FBXL13: variants seen among roughly 807,000 people sequenced by gnomAD.
FBXL13 encodes F-box and leucine rich repeat protein 13.
Under a neutral mutation model 83.6 loss-of-function variants are expected in FBXL13, and 67 were observed. That is an observed-to-expected ratio of 0.80 (90% confidence interval 0.66 to 0.98). The LOEUF (loss-of-function observed/expected upper bound fraction) is 0.98. Among genes scored for constraint, FBXL13 ranks in the 50% least tolerant of loss-of-function variants. FBXL13 has a pLI of 0.00. For synonymous variants in FBXL13, 272 were observed against 299.5 expected (o/e 0.91, Z 0.95); for missense variants, 822 against 866.5 (o/e 0.95, Z 0.64).
intron 6 of FBXL13, among the ~76,000 whole-genome samples, chr7:102,999,915 CCTGT>C (rs1285652814): frequency 1.3e-5 from 2 of 151,744 alleles, no homozygotes; most frequent in East Asian, 1.9e-4. Flanking sequence ...TTCATTATTT[CCTGT>C]CTTTTACTAA....
chr7:102,970,974 T>C lies in FBXL13; in HGVS notation c.496-2857A>G, dbSNP rs561791456. Reference sequence around the variant, plus strand: ...ATAACATGAAAAGGTCCAACACACATCTTTACAGAATTTCCAGGAGGGAAT... The same window carrying C: ...ATAACATGAAAAGGTCCAACACACACCTTTACAGAATTTCCAGGAGGGAAT... On this transcript the variant is annotated intron_variant, in intron 6 of 19. Coordinates refer to ENST00000313221, the Ensembl canonical transcript of FBXL13. 2.2e-4 allele frequency among the ~76,000 whole-genome samples: 34 copies of C among 152,234 alleles called. 1 individual carries two copies. In the South Asian group the frequency reaches 5.6e-3, roughly 25 times the overall value.
chr7:103,044,785 T>A (rs1339476716), intron 2 of FBXL13, among the ~76,000 whole-genome samples: 2 of 152,214 alleles, frequency 1.3e-5, no homozygotes, highest in Non-Finnish European at 2.9e-5. Flanking sequence ...GTCTGTGAAG[T>A]TCATTTCCTC....
At chr7:102,966,422 T>TA (rs1272777080) in intron 7 of FBXL13, among the ~76,000 whole-genome samples, 1 of 152,202 alleles carries the variant, frequency 6.6e-6, no homozygotes, top group Non-Finnish European at 1.5e-5. Flanking sequence ...TAAATTATGT[T>TA]ACAGATATTT....
chr7:102,964,951 A>G (rs1320802169), intron 7 of FBXL13, among the ~76,000 whole-genome samples: 1 of 152,190 alleles, frequency 6.6e-6, no homozygotes, highest in Non-Finnish European at 1.5e-5. Flanking sequence ...AAAAAGCACA[A>G]CTCAGAAAGA....
chr7:103,062,880 T>G (rs1798054080), intron 1 of FBXL13, among the ~76,000 whole-genome samples: 1 of 152,336 alleles, frequency 6.6e-6, no homozygotes, highest in Non-Finnish European at 1.5e-5. Context: ...TTGAAGCCAT[T>G]GAGGTGTTTT....
At chr7:103,073,280 T>C (rs1407834262) in intron 1 of FBXL13, among the ~76,000 whole-genome samples, 1 of 152,214 alleles carries the variant, frequency 6.6e-6, no homozygotes, top group Admixed American at 6.5e-5. Flanking sequence ...TAGAGCAGAA[T>C]GGACAGTTGC....
rs544807631 is a variant in FBXL13 at position 102,927,658 on chromosome 7, G to A, written c.778-1284C>T. Among the ~76,000 whole-genome samples the A allele has an allele frequency of 2.0e-4, 30 of 152,270 alleles. No homozygotes were observed. In the South Asian group the frequency reaches 5.0e-3, roughly 25 times the overall value. ...ATCTCTGTGATTCTGCTATAGGGAA[G>A]GTTCTATGCACCCATGCTGCATGAG... is the stretch of plus-strand genomic sequence containing the variant. On this transcript the variant is annotated intron_variant, in intron 9 of 19. Transcript: ENST00000313221.
chr7:102,929,800 A>AT (rs1228128923), intron 9 of FBXL13, among the ~76,000 whole-genome samples: 1 of 152,010 alleles, frequency 6.6e-6, no homozygotes, highest in Non-Finnish European at 1.5e-5. Context: ...GGTGAGGGAA[A>AT]TGTTCTGAAG....
rs1791759715 is a variant in FBXL13 at position 103,012,500 on chromosome 7, T to C, written c.495+12563A>G. 2.6e-5 allele frequency among the ~76,000 whole-genome samples: 4 copies of C among 152,084 alleles called. No individual in the cohort carries two copies. In the South Asian group the frequency reaches 8.3e-4, roughly 31 times the overall value. Reference sequence around the variant, plus strand: ...AGCCAGAAGAGATTGGGGGAGCCTATATTCAGCATTCTTAAAAAACATAAT... The same window carrying C: ...AGCCAGAAGAGATTGGGGGAGCCTACATTCAGCATTCTTAAAAAACATAAT... On this transcript the variant is annotated intron_variant, in intron 6 of 19. Transcript: ENST00000313221.
intron 16 of FBXL13, among the ~76,000 whole-genome samples, chr7:102,865,524 G>T (rs530545677): frequency 6.6e-6 from 1 of 151,090 alleles, no homozygotes; most frequent in East Asian, 1.9e-4. Context: ...TTATTTTTGT[G>T]TTTTTTTTGT....
At chr7:102,934,344 T>G (rs1819850534) in intron 8 of FBXL13, 2 of 1,614,020 alleles carry the variant, frequency 1.2e-6, no homozygotes, top group South Asian at 2.2e-5. Context: ...ATCAAAGTCT[T>G]GACGGAGGAA....
intron 6 of FBXL13, among the ~76,000 whole-genome samples, chr7:102,993,807 C>T (rs1585274638): frequency 6.6e-6 from 1 of 152,218 alleles, no homozygotes; most frequent in East Asian, 1.9e-4. Context: ...TGTAACTGAA[C>T]CTAAAATGCA....
chr7:103,011,340 TAAGA>T (rs1305903880), intron 6 of FBXL13, among the ~76,000 whole-genome samples: 1 of 152,072 alleles, frequency 6.6e-6, no homozygotes, highest in East Asian at 1.9e-4. Context: ...ATGGCCATTA[TAAGA>T]AAGAAACAGG....
chr7:102,832,649 T>C (rs1800921684), intron 18 of FBXL13, among the ~76,000 whole-genome samples, 191 bp downstream of exon 19: 1 of 152,250 alleles, frequency 6.6e-6, no homozygotes, highest in African/African-American at 2.4e-5. Context: ...TTTTTAACTT[T>C]TGGAAAATTC....
At chr7:102,968,739 G>A in intron 6 of FBXL13, among the ~76,000 whole-genome samples, 1 of 152,192 alleles carries the variant, frequency 6.6e-6, no homozygotes, top group Admixed American at 6.5e-5. Flanking sequence ...TATAAACCCA[G>A]ACTGATAATA....
chr7:103,066,821 C>T (rs755397703), intron 1 of FBXL13, among the ~76,000 whole-genome samples: 11 of 131,836 alleles, frequency 8.3e-5, no homozygotes, highest in Non-Finnish European at 9.5e-5. Flanking sequence ...GATGGAGTTT[C>T]GCTCTCATTG....
At chr7:103,023,818 T>C (rs1371469159) in intron 6 of FBXL13, among the ~76,000 whole-genome samples, 2 of 152,182 alleles carry the variant, frequency 1.3e-5, no homozygotes, top group African/African-American at 4.8e-5. Context: ...ATCATGTCCT[T>C]TGCAGCAACA....
At chr7:102,855,668 C>A (rs576257067) in intron 16 of FBXL13, among the ~76,000 whole-genome samples, 2 of 151,638 alleles carry the variant, frequency 1.3e-5, no homozygotes. Flanking sequence ...CCTCACCTGC[C>A]GCCATTCTAT....
At position 102,930,101 on chromosome 7, in the gene FBXL13, G is replaced by T. The variant is rs568935998; in HGVS notation, c.777+1780C>A. Among the ~76,000 whole-genome samples the T allele has an allele frequency of 2.6e-5, 4 of 152,250 alleles. No individual in the cohort carries two copies. The South Asian group carries it at 8.3e-4, about 32-fold the overall frequency. ...AAGACACAATGAAATAGCATGACATGAACAGGGAACTTCAAGTGGTTCAGT... is the reference window on the plus strand; with the variant it reads ...AAGACACAATGAAATAGCATGACATTAACAGGGAACTTCAAGTGGTTCAGT... On this transcript the variant is annotated intron_variant, in intron 9 of 19. Transcript: ENST00000313221.
Sources: allele counts gnomAD v4.1 joint callset (sites outside exome capture counted in the v4.1 genomes callset), GRCh38; gene constraint gnomAD v4.1.1; transcripts MANE v1.5; gene names NCBI Gene and HGNC (gene_info 2026-07-23, HGNC 2026-07-21).